Variants in ZMYND8 observed in about 807,000 individuals in gnomAD.
The protein encoded by ZMYND8 is MYND-type zinc finger-containing chromatin reader ZMYND8.
ZMYND8 carries 37 observed loss-of-function variants against 140.8 expected under a neutral mutation model. The observed-to-expected ratio is 0.26, with a 90% CI of 0.20 to 0.35. ZMYND8 has a LOEUF of 0.35. Ranked by LOEUF, ZMYND8 falls within the 10% of genes least tolerant of loss-of-function variation. The pLI is 1.00. For missense variants in ZMYND8, 1,068 were observed against 1,570.0 expected (o/e 0.68, Z 5.40); for synonymous variants, 592 against 597.1 (o/e 0.99, Z 0.12).
chr20:47,340,548 C>T (rs2081768901), intron 2 of ZMYND8, among the ~76,000 whole-genome samples: 1 of 151,736 alleles, frequency 6.6e-6, no homozygotes, highest in Non-Finnish European at 1.5e-5. Context: ...AATCCCACCA[C>T]TTTGGGAGGC....
Position 47,356,697 on chromosome 20 carries a change from T to C in ZMYND8, c.-27A>G, listed in dbSNP as rs1602239445. 1.2e-6 allele frequency: 2 copies of C among 1,614,142 alleles called. No individual in the cohort carries two copies. The highest frequency in any genetic ancestry group is 2.2e-5 in the East Asian group (1 of 44,880). On this transcript the variant is annotated 5_prime_UTR_variant, in exon 1 of 23. It adds an upstream start codon to the 5' untranslated region. Coordinates refer to ENST00000471951, the MANE Select transcript of ZMYND8 (RefSeq NM_001281775.3). Reference sequence around the variant, plus strand: ...GTTAACACTGTGTAATGTCAATACTTATAAAACATGGAGGACAGGCTCCTA... The same window carrying C: ...GTTAACACTGTGTAATGTCAATACTCATAAAACATGGAGGACAGGCTCCTA...
chr20:47,328,936 G>A (rs1028396201), intron 2 of ZMYND8, among the ~76,000 whole-genome samples: 1 of 152,218 alleles, frequency 6.6e-6, no homozygotes, highest in Non-Finnish European at 1.5e-5. Context: ...GCTGGAGGGA[G>A]GACCGCCCAG....
chr20:47,335,806 G>A (rs995020096), intron 2 of ZMYND8, among the ~76,000 whole-genome samples: 3 of 152,170 alleles, frequency 2.0e-5, no homozygotes, highest in Non-Finnish European at 2.9e-5. Context: ...CAGTAGAGAC[G>A]ATGCTGGCCA....
rs140212102 is a variant in ZMYND8, at chr20:47,255,660, G to A, written c.1622-6221C>T. Among the ~76,000 whole-genome samples the A allele has an allele frequency of 7.4e-3, 871 of 118,224 alleles. 64 individuals carry two copies. The East Asian group carries it at 0.16, about 22-fold the overall frequency. The allele number at this position is 118,224 out of a possible 152,430, so 77.6% of individuals were successfully genotyped here. ...TATATATACCATATACATATACTCA[G>A]TATATGTATATGGTGTATGTGTGTG... On this transcript the variant is annotated intron_variant, in intron 12 of 22. Transcript: ENST00000471951.
chr20:47,342,899 G>A (rs2082029085), intron 2 of ZMYND8, among the ~76,000 whole-genome samples: 2 of 150,650 alleles, frequency 1.3e-5, no homozygotes, highest in Admixed American at 1.3e-4. Context: ...ATAGAGAAAT[G>A]GATGATTTTA....
chr20:47,294,311 CA>C (rs1201212897), intron 5 of ZMYND8, among the ~76,000 whole-genome samples: 1 of 151,896 alleles, frequency 6.6e-6, no homozygotes, highest in African/African-American at 2.4e-5. Context: ...AACATCACAC[CA>C]CTGCACTCCA....
At chr20:47,277,651 T>TTTTATTTATTTATTTATTTATTTA (rs35308600) in intron 10 of ZMYND8, among the ~76,000 whole-genome samples, 12 of 147,520 alleles carry the variant, frequency 8.1e-5, no homozygotes, top group Non-Finnish European at 1.5e-4. Flanking sequence ...AATTAATTCA[T>TTTTATTTATTTATTTATTTATTTA]TTTATTTATT....
chr20:47,272,059 G>A (rs899578129), intron 11 of ZMYND8, among the ~76,000 whole-genome samples: 5 of 151,376 alleles, frequency 3.3e-5, no homozygotes, highest in Non-Finnish European at 1.5e-5. Flanking sequence ...TAAAAAAAGG[G>A]GGGGGGGAGT....
At chr20:47,270,239 T>TAA (rs879300192) in intron 11 of ZMYND8, among the ~76,000 whole-genome samples, 2 of 136,796 alleles carry the variant, frequency 1.5e-5, no homozygotes, top group Non-Finnish European at 1.6e-5. Flanking sequence ...CCCTGTCTCT[T>TAA]AAAAAAAAAA....
intron 11 of ZMYND8, among the ~76,000 whole-genome samples, chr20:47,270,239 TAA>T (rs879300192): frequency 2.9e-5 from 4 of 136,774 alleles, no homozygotes; most frequent in African/African-American, 2.7e-5. Flanking sequence ...CCCTGTCTCT[TAA>T]AAAAAAAAAA....
At chr20:47,289,372 T>C (rs959500943) in intron 7 of ZMYND8, among the ~76,000 whole-genome samples, 1 of 152,158 alleles carries the variant, frequency 6.6e-6, no homozygotes, top group Non-Finnish European at 1.5e-5. Context: ...TGTAAAATGA[T>C]AGAACCACTT....
chr20:47,265,037 CA>C (rs1487791973), intron 11 of ZMYND8, among the ~76,000 whole-genome samples: 1 of 89,698 alleles, frequency 1.1e-5, no homozygotes. Context: ...ACCCTGTCCC[CA>C]AAAAAATATA....
chr20:47,331,979 A>C (rs8117305), intron 2 of ZMYND8, among the ~76,000 whole-genome samples: 11,766 of 152,036 alleles, frequency 0.077, 1,462 homozygotes, highest in African/African-American at 0.26. Flanking sequence ...TGAGGCAGGC[A>C]GATCATGAGG....
rs1448605250 is a variant in ZMYND8 at position 47,210,812 on chromosome 20, G to A, written c.3654C>T (p.Ser1218=). 1 of 1,614,158 alleles carries A rather than the reference G, an allele frequency of 6.2e-7. No homozygotes were observed. The highest frequency in any genetic ancestry group is 8.5e-7 in the Non-Finnish European group (1 of 1,180,038). The change falls in exon 23 of 23, where the codon AGC becomes AGT. Residue 1218 remains serine, a synonymous_variant. Coordinates refer to ENST00000471951, the MANE Select transcript of ZMYND8 (RefSeq NM_001281775.3). ...STRSDHNTST[S]TKSLLPKESR... Reference sequence around the variant, plus strand: ...ACTCTTTCGGGAGGAGGCTCTTCGTGCTGGTACTGGTGTTGTGATCGGAAC... The same window carrying A: ...ACTCTTTCGGGAGGAGGCTCTTCGTACTGGTACTGGTGTTGTGATCGGAAC...
In ZMYND8 at chr20:47,210,891, G is replaced by T; in HGVS notation, c.3575C>A (p.Ser1192Tyr). Residue 1192 changes from serine (S) to tyrosine (Y), a missense_variant, in exon 23 of 23, where the codon TCC becomes TAC. By Grantham distance (144) the Ser-to-Tyr change is moderately radical. This residue lies in a region of ZMYND8 where 180 missense variants were observed against 187.8 expected (regional missense o/e 0.96). Coordinates refer to ENST00000471951, the MANE Select transcript of ZMYND8 (RefSeq NM_001281775.3). ...GCTCCAACTGGATTTATTACTCCGGGAATGGTCTGAGGGGGAAAACCAATG... is the reference window on the plus strand; with the variant it reads ...GCTCCAACTGGATTTATTACTCCGGTAATGGTCTGAGGGGGAAAACCAATG... ...HPNYPAQKYH[S>Y]RSNKSSWSSS... 6.2e-7 allele frequency: 1 copy of T among 1,613,826 alleles called. No homozygotes were observed. The highest frequency in any genetic ancestry group is 8.5e-7 in the Non-Finnish European group (1 of 1,179,798).
chr20:47,331,199 G>C (rs1050463258), intron 2 of ZMYND8, among the ~76,000 whole-genome samples: 4 of 152,216 alleles, frequency 2.6e-5, no homozygotes, highest in Non-Finnish European at 5.9e-5. Context: ...AAACACTTAA[G>C]AGTTTAAAGT....
At chr20:47,241,304 A>AG (rs1181667136) in intron 14 of ZMYND8, among the ~76,000 whole-genome samples, 10 of 152,086 alleles carry the variant, frequency 6.6e-5, no homozygotes, top group Admixed American at 2.0e-4. Context: ...CAAAAAAAAA[A>AG]AAAAAAAAAA....
chr20:47,273,627 C>A (rs6124987), intron 11 of ZMYND8, among the ~76,000 whole-genome samples: 21,307 of 152,144 alleles, frequency 0.14, 1,530 homozygotes, highest in East Asian at 0.2. Flanking sequence ...GCTCTATTTT[C>A]TTCTATCTAG....
chr20:47,306,937 A>C (rs1220684831), intron 3 of ZMYND8, among the ~76,000 whole-genome samples: 2 of 152,166 alleles, frequency 1.3e-5, no homozygotes, highest in African/African-American at 4.8e-5. Flanking sequence ...GCAGTGTGGC[A>C]AACAAGCAAG....
Sources: gnomAD v4.1 joint callset for allele counts (sites outside exome capture counted in the v4.1 genomes callset) on GRCh38, gnomAD v4.1.1 for gene constraint, gnomAD v4.1.1 regional missense constraint, MANE v1.5 for transcripts, NCBI Gene and HGNC (gene_info 2026-07-23, HGNC 2026-07-21) for gene names.